Variants in KIAA1549 observed in about 807,000 individuals in gnomAD.
KIAA1549 encodes UPF0606 protein KIAA1549.
In KIAA1549, 70 loss-of-function variants were observed where a neutral mutation model predicts 156.4. That is an observed-to-expected ratio of 0.45 (90% confidence interval 0.37 to 0.55). The LOEUF is 0.55. Among genes scored for constraint, KIAA1549 ranks in the 20% least tolerant of loss-of-function variants. The pLI is 0.00. For missense variants in KIAA1549, 2,428 were observed against 2,540.9 expected, an observed-to-expected ratio of 0.96 and a Z score of 0.96; for synonymous variants, 1,103 against 1,066.4, an observed-to-expected ratio of 1.03 and a Z score of -0.67.
At chr7:138,919,620 C>T in intron 1 of KIAA1549, 182 bp from the exon 2 acceptor site, 1 of 1,063,466 alleles carries the variant, frequency 9.4e-7, no homozygotes, top group Non-Finnish European at 1.3e-6. Flanking sequence ...ACCATCAGGA[C>T]AATATCTGCA....
chr7:138,846,369 T>C (rs58750600), intron 17 of KIAA1549, among the ~76,000 whole-genome samples: 5,209 of 151,984 alleles, frequency 0.034, 301 homozygotes, highest in African/African-American at 0.12. Context: ...ACGCCATCTC[T>C]ACCAAAAATA....
Position 138,909,032 on chromosome 7 carries a change from C to T in KIAA1549, c.3235G>A (p.Val1079Met). The T allele has an allele frequency of 1.2e-6, 2 of 1,614,042 alleles. No homozygotes were observed. The highest frequency in any genetic ancestry group is 1.7e-6 in the Non-Finnish European group (2 of 1,179,898). ...EKGLMTALFE[V>M]RKHHQGTYNL... ...TACGTTCCCTGGTGGTGTTTTCTCA[C>T]TTCAAAGAGAGCTGTCATTAGGCCT... Residue 1079 changes from valine (V) to methionine (M), a missense_variant, in exon 5 of 20, where the codon GTG becomes ATG. Coordinates refer to ENST00000422774, the MANE Select transcript of KIAA1549 (RefSeq NM_001164665.2).
At chr7:138,874,734 T>C (rs1485320355) in intron 12 of KIAA1549, among the ~76,000 whole-genome samples, 1 of 152,226 alleles carries the variant, frequency 6.6e-6, no homozygotes, top group African/African-American at 2.4e-5. Flanking sequence ...CTGGACATGG[T>C]GGCTCTCGCC....
At chr7:138,903,848 TGTGTGCGC>T (rs1447791671) in intron 7 of KIAA1549, 112 bp from the exon 8 acceptor site, 650 of 340,384 alleles carry the variant, frequency 1.9e-3, no homozygotes, top group Non-Finnish European at 2.2e-3. Flanking sequence ...TGTGTGTGTG[TGTGTGCGC>T]GCGCGCGCGC....
chr7:138,911,333 TA>T lies in KIAA1549; in HGVS notation c.2968-11del. 1 of 1,552,582 alleles carries T rather than the reference TA, an allele frequency of 6.4e-7. No homozygotes were observed. Among genetic ancestry groups the T allele is most frequent in the Non-Finnish European group, 8.8e-7 (1 of 1,142,764 alleles). On this transcript the variant is annotated splice_polypyrimidine_tract_variant and intron_variant, in intron 3 of 19. Coordinates refer to ENST00000422774, the MANE Select transcript of KIAA1549 (RefSeq NM_001164665.2). Reference sequence around the variant, plus strand: ...TAAATAGTTCGTAAACCTAGGGAAATAAGAAATACAAAGACAATTCAAACTT... The same window carrying T: ...TAAATAGTTCGTAAACCTAGGGAAATAGAAATACAAAGACAATTCAAACTT...
At chr7:138,931,497 A>T (rs1395910558) in intron 1 of KIAA1549, among the ~76,000 whole-genome samples, 1 of 152,152 alleles carries the variant, frequency 6.6e-6, no homozygotes, top group East Asian at 1.9e-4. Flanking sequence ...CACGCCTGTA[A>T]TCCCAGCACT....
At chr7:138,958,180 A>G (rs1813726095) in intron 1 of KIAA1549, among the ~76,000 whole-genome samples, 1 of 152,196 alleles carries the variant, frequency 6.6e-6, no homozygotes, top group Non-Finnish European at 1.5e-5. Flanking sequence ...TGTGACCCAC[A>G]TGCGCGGGCC....
intron 16 of KIAA1549, among the ~76,000 whole-genome samples, chr7:138,859,943 T>C (rs569498060): frequency 4.6e-5 from 7 of 152,348 alleles, no homozygotes; most frequent in South Asian, 2.1e-4. Context: ...AGAGATGCTA[T>C]TTTGTCCAGA....
Position 138,867,040 on chromosome 7 carries a change from C to T in KIAA1549, c.4929+935G>A, listed in dbSNP as rs56345445. Among the ~76,000 whole-genome samples the T allele has an allele frequency of 4.7e-3, 712 of 152,198 alleles. 5 individuals are homozygous for T. Among genetic ancestry groups the T allele is most frequent in the Middle Eastern group, 0.017 (5 of 294 alleles). On this transcript the variant is annotated intron_variant, in intron 15 of 19. Coordinates refer to ENST00000422774, the MANE Select transcript of KIAA1549 (RefSeq NM_001164665.2). Reference sequence around the variant, plus strand: ...CTGGTCTCCAACACCTGGGCTCAAGCGATCCATCCACCTCAGCCTCCCAAA... The same window carrying T: ...CTGGTCTCCAACACCTGGGCTCAAGTGATCCATCCACCTCAGCCTCCCAAA...
chr7:138,884,119 C>G (rs2130413608), intron 10 of KIAA1549, among the ~76,000 whole-genome samples: 1 of 152,290 alleles, frequency 6.6e-6, no homozygotes, highest in East Asian at 1.9e-4. Flanking sequence ...CCAAACAGGC[C>G]TATGTAAAGC....
intron 9 of KIAA1549, among the ~76,000 whole-genome samples, chr7:138,896,846 C>T (rs1421615695): frequency 6.6e-6 from 1 of 152,100 alleles, no homozygotes; most frequent in African/African-American, 2.4e-5. Context: ...ACTGATCCTC[C>T]TGCCTCTATC....
intron 16 of KIAA1549, among the ~76,000 whole-genome samples, chr7:138,852,580 C>G (rs1810266599): frequency 1.3e-5 from 2 of 152,238 alleles, no homozygotes; most frequent in African/African-American, 2.4e-5. Context: ...CCATCTGTAT[C>G]TTCTGCTGCA....
In KIAA1549 at chr7:138,952,218, C is replaced by T. The variant is rs186438634; in HGVS notation, c.187+28865G>A. 3.3e-3 allele frequency among the ~76,000 whole-genome samples: 504 copies of T among 152,260 alleles called. 4 individuals carry two copies. Among genetic ancestry groups the T allele is most frequent in the African/African-American group, 0.012 (481 of 41,542 alleles). On this transcript the variant is annotated intron_variant, in intron 1 of 19. Transcript: ENST00000422774. ...AAACTTCCCAGGTGATTATAATCTG[C>T]ACAAGGTCAAGAGCCACTGGACTGA...
intron 1 of KIAA1549, among the ~76,000 whole-genome samples, chr7:138,925,585 C>T (rs774961012): frequency 6.6e-6 from 1 of 151,904 alleles, no homozygotes; most frequent in East Asian, 1.9e-4. Flanking sequence ...TCTGGTAGGC[C>T]GAGGCAGGAG....
intron 1 of KIAA1549, among the ~76,000 whole-genome samples, chr7:138,940,416 G>A (rs541530804): frequency 0.01 from 1,531 of 149,838 alleles, 36 homozygotes; most frequent in Middle Eastern, 0.035. Flanking sequence ...GTCTATCGTT[G>A]TTGGACATTT....
intron 2 of KIAA1549, 26 bp downstream of exon 2, chr7:138,916,722 A>C: frequency 1.2e-6 from 2 of 1,612,042 alleles, no homozygotes; most frequent in Non-Finnish European, 1.7e-6. Context: ...CCCACCCCAG[A>C]GAGGCGGCAG....
At chr7:138,879,796 C>A (rs890511190) in intron 11 of KIAA1549, 143 bp from the exon 12 acceptor site, 1 of 607,718 alleles carries the variant, frequency 1.6e-6, no homozygotes, top group Non-Finnish European at 2.9e-6. Flanking sequence ...CATAGCACAG[C>A]GTCTTCAAGG....
intron 7 of KIAA1549, 106 bp from the exon 8 acceptor site, chr7:138,903,842 TGTGTGTGTGTGCGCGCGCGCGCGC>T (rs1811923831): frequency 6.5e-6 from 3 of 463,288 alleles, no homozygotes; most frequent in African/African-American, 4.6e-5. Context: ...TGTGTGTGTG[TGTGTGTGTGTGCGCGCGCGCGCGC>T]GCGCACATAT....
At chr7:138,956,142 C>T (rs1032899772) in intron 1 of KIAA1549, among the ~76,000 whole-genome samples, 1 of 152,174 alleles carries the variant, frequency 6.6e-6, no homozygotes, top group Non-Finnish European at 1.5e-5. Context: ...GACACGCCCA[C>T]CTCAGCCTCC....
Sources: gnomAD v4.1 joint callset for allele counts (sites outside exome capture counted in the v4.1 genomes callset) on GRCh38, gnomAD v4.1.1 for gene constraint, MANE v1.5 for transcripts, NCBI Gene and HGNC (gene_info 2026-07-23, HGNC 2026-07-21) for gene names.